The following ZNF91 variants were observed in gnomAD, a reference collection of about 807,000 sequenced individuals.
ZNF91 encodes zinc finger protein 91, also known as zinc finger protein 91 (HPF7, HTF10).
Under a neutral mutation model 12.6 loss-of-function variants are expected in ZNF91, and 7 were observed. That is an observed-to-expected ratio of 0.55 (90% CI 0.31 to 1.04). ZNF91 has a LOEUF of 1.04. Ranked by LOEUF, ZNF91 falls within the 50% of genes least tolerant of loss-of-function variation. The pLI, the probability that ZNF91 is intolerant of heterozygous loss-of-function variation, is 0.05. For synonymous variants in ZNF91, 453 were observed against 462.6 expected (o/e 0.98, Z 0.27); for missense variants, 1,217 against 1,385.4 (o/e 0.88, Z 1.93).
At chr19:23,370,468 A>T (rs900372966) in intron 3 of ZNF91, among the ~76,000 whole-genome samples, 2 of 152,208 alleles carry the variant, frequency 1.3e-5, no homozygotes, top group African/African-American at 4.8e-5. Flanking sequence ...AGTCTTTTGC[A>T]TAACAATGTT....
intron 1 of ZNF91, among the ~76,000 whole-genome samples, chr19:23,333,326 G>T (rs930061241): frequency 6.6e-6 from 1 of 152,210 alleles, no homozygotes; most frequent in East Asian, 1.9e-4. Flanking sequence ...TTTTGCCTCA[G>T]AATTTGCATT....
At position 23,374,588 on chromosome 19, in the gene ZNF91, A is replaced by C. The variant is rs765729972; in HGVS notation, c.157+50T>G. ...AAAAAAAAAAAAAAAAAAGAAAAGAAGTAAAACCATTAGTTTATATTAGAA... is the reference window on the plus strand; with the variant it reads ...AAAAAAAAAAAAAAAAAAGAAAAGACGTAAAACCATTAGTTTATATTAGAA... On this transcript the variant is annotated intron_variant, in intron 2 of 3. Transcript: ENST00000300619. 15 of 1,508,312 alleles carry C rather than the reference A, an allele frequency of 9.9e-6. No homozygotes were observed. The South Asian group carries it at 1.6e-4, about 16-fold the overall frequency. 93.4% of individuals were successfully genotyped at this position (1,508,312 alleles called of 1,614,324 possible). A position where few individuals can be genotyped will look rare whatever the true frequency, so the allele number is the denominator to read the frequency against.
chr19:23,373,881 C>A, intron 2 of ZNF91, 44 bp from the exon 3 acceptor site: 1 of 1,439,590 alleles, frequency 6.9e-7, no homozygotes, highest in Non-Finnish European at 9.5e-7. Flanking sequence ...CTCATATTCT[C>A]CACCTGCCAA....
intron 1 of ZNF91, among the ~76,000 whole-genome samples, chr19:23,376,639 T>A (rs766294541): frequency 2.0e-5 from 3 of 152,164 alleles, no homozygotes; most frequent in African/African-American, 4.8e-5. Context: ...TCTGCCCGCC[T>A]CGGCCTCCCA....
intron 3 of ZNF91, among the ~76,000 whole-genome samples, chr19:23,348,105 C>T (rs1360731654): frequency 6.6e-6 from 1 of 152,162 alleles, no homozygotes. Context: ...CCCTACAGGC[C>T]TCAATCTTCA....
chr19:23,347,641 A>G (rs1193300038), intron 3 of ZNF91, among the ~76,000 whole-genome samples: 5 of 152,148 alleles, frequency 3.3e-5, no homozygotes, highest in Non-Finnish European at 7.4e-5. Context: ...CAAAGCCTCC[A>G]CAACTCTTTC....
At chr19:23,368,830 GAAAT>G (rs1211237999) in intron 3 of ZNF91, among the ~76,000 whole-genome samples, 10 of 151,288 alleles carry the variant, frequency 6.6e-5, no homozygotes, top group South Asian at 6.3e-4. Context: ...ACTTTATTTA[GAAAT>G]AAATAATTAA....
intron 1 of ZNF91, among the ~76,000 whole-genome samples, chr19:23,381,977 G>GT (rs1259416409): frequency 1.4e-5 from 2 of 143,916 alleles, no homozygotes; most frequent in African/African-American, 5.2e-5. Context: ...ACTAAAAATT[G>GT]TAAGAACAAT....
chr19:23,367,628 C>G (rs1969067189), intron 3 of ZNF91, among the ~76,000 whole-genome samples: 1 of 152,066 alleles, frequency 6.6e-6, no homozygotes, highest in Non-Finnish European at 1.5e-5. Flanking sequence ...ATTATAACTT[C>G]TGATTTTGAA....
downstream of ZNF91, among the ~76,000 whole-genome samples, chr19:23,334,778 G>A (rs1452319689): frequency 6.6e-6 from 1 of 151,994 alleles, no homozygotes; most frequent in African/African-American, 2.4e-5. Context: ...ATTATAATGG[G>A]GTTACCAAAA....
chr19:23,370,342 A>G (rs1969224776), intron 3 of ZNF91, among the ~76,000 whole-genome samples: 1 of 152,212 alleles, frequency 6.6e-6, no homozygotes, highest in South Asian at 2.1e-4. Flanking sequence ...AAATAGTCAC[A>G]CTCATAAAAA....
intron 3 of ZNF91, among the ~76,000 whole-genome samples, chr19:23,347,721 G>A (rs1461261291): frequency 6.6e-6 from 1 of 152,064 alleles, no homozygotes; most frequent in East Asian, 1.9e-4. Flanking sequence ...TTCCAGCCGT[G>A]TTTGAGAGAT....
Position 23,359,067 on chromosome 19 carries a change from G to T in ZNF91, c.*336C>A. The T allele has an allele frequency of 1.8e-6, 1 of 546,136 alleles. No individual in the cohort carries two copies. The highest frequency in any genetic ancestry group is 2.2e-5 in the Admixed American group (1 of 46,056). 33.8% of individuals were successfully genotyped at this position (546,136 alleles called of 1,614,324 possible). A position where few individuals can be genotyped will look rare whatever the true frequency, so the allele number is the denominator to read the frequency against. ...GTCCAGTATGAATTTTCTTATGTCT[G>T]GTTAGGGCTGAGGACCAGAAAAAGG... is the stretch of plus-strand genomic sequence containing the variant. On this transcript the variant is annotated 3_prime_UTR_variant, in exon 4 of 4. Coordinates refer to ENST00000300619, the MANE Select transcript of ZNF91 (RefSeq NM_003430.4).
rs754567974 is a variant in ZNF91 at position 23,359,555 on chromosome 19, C to G, written c.3424G>C (p.Ala1142Pro). 6.8e-6 allele frequency: 11 copies of G among 1,613,844 alleles called. No individual in the cohort carries two copies. Among genetic ancestry groups the G allele is most frequent in the Non-Finnish European group, 9.3e-6 (11 of 1,179,906 alleles). ...KPYKCEKCGK[A>P]FNQSSILTNH... Reference sequence around the variant, plus strand: ...GTAAGGATTGAAGACTGGTTAAAGGCTTTGCCACATTTTTCACATTTGTAG... The same window carrying G: ...GTAAGGATTGAAGACTGGTTAAAGGGTTTGCCACATTTTTCACATTTGTAG... The change falls in exon 4 of 4, where the codon GCC (alanine) becomes CCC (proline). Residue 1142 changes from alanine to proline, a missense_variant. Ala to Pro is a conservative substitution (Grantham distance 27). Around this residue, in one of 2 missense-constraint regions of ZNF91, gnomAD observed 491 missense variants for 489.8 expected, o/e 1.00. Coordinates refer to ENST00000300619, the MANE Select transcript of ZNF91 (RefSeq NM_003430.4).
rs554348554 is a variant in ZNF91, at chr19:23,394,979, C to G, written c.30+346G>C. Among the ~76,000 whole-genome samples, 573 of 152,248 alleles carry G rather than the reference C, an allele frequency of 3.8e-3. 9 individuals are homozygous for G. The highest frequency in any genetic ancestry group is 0.013 in the African/African-American group (550 of 41,554). The stretch of plus-strand genomic sequence containing the variant: ...GGAACCCCACGGACTAAAGTGCTTC[C>G]TATTCATGAGCCAGCACCTCCAGTC... On this transcript the variant is annotated intron_variant, in intron 1 of 3. Coordinates refer to ENST00000300619, the MANE Select transcript of ZNF91 (RefSeq NM_003430.4).
intron 3 of ZNF91, among the ~76,000 whole-genome samples, chr19:23,349,634 G>A (rs1968314154): frequency 6.6e-6 from 1 of 151,996 alleles, no homozygotes; most frequent in South Asian, 2.1e-4. Context: ...CTGCCAACCC[G>A]AGCCTCACAA....
intron 1 of ZNF91, among the ~76,000 whole-genome samples, chr19:23,395,102 GAC>G (rs1970188690): frequency 6.6e-6 from 1 of 152,172 alleles, no homozygotes; most frequent in African/African-American, 2.4e-5. Context: ...TCCAGGCCAG[GAC>G]ACAGTCACTG....
chr19:23,389,412 A>AC (rs1213159174), intron 1 of ZNF91, among the ~76,000 whole-genome samples: 3 of 152,086 alleles, frequency 2.0e-5, no homozygotes, highest in Non-Finnish European at 2.9e-5. Flanking sequence ...CAAAAAAAAA[A>AC]AAAAAACACT....
intron 3 of ZNF91, 149 bp from the exon 4 acceptor site, chr19:23,362,874 TTTTGTTTG>T: frequency 8.3e-7 from 1 of 1,201,442 alleles, no homozygotes; most frequent in Non-Finnish European, 1.1e-6. Context: ...ATTTTTGTTT[TTTTGTTTG>T]TTTGTTTTTG....
Sources: gnomAD v4.1 joint callset for allele counts (sites outside exome capture counted in the v4.1 genomes callset) on GRCh38, gnomAD v4.1.1 for gene constraint, gnomAD v4.1.1 regional missense constraint, MANE v1.5 for transcripts, NCBI Gene and HGNC (gene_info 2026-07-23, HGNC 2026-07-21) for gene names.